Variants in FRY observed in about 807,000 individuals in gnomAD.
The protein encoded by FRY is protein furry homolog.
Under a neutral mutation model 348.4 loss-of-function variants are expected in FRY, and 128 were observed. The observed-to-expected ratio is 0.37, with a 90% CI of 0.32 to 0.43. The LOEUF (loss-of-function observed/expected upper bound fraction) is 0.43. Ranked by LOEUF, FRY falls within the 20% of genes least tolerant of loss-of-function variation. The probability of loss-of-function intolerance (pLI) is 1.00; values close to 1 mark genes in which losing one functional copy is unlikely to be tolerated. For synonymous variants in FRY, 1,370 were observed against 1,374.7 expected, an observed-to-expected ratio of 1.00 and a Z score of 0.08; for missense variants, 2,736 against 3,695.2, an observed-to-expected ratio of 0.74 and a Z score of 6.73.
At chr13:32,041,627 G>A (rs1051316584) in intron 1 of FRY, among the ~76,000 whole-genome samples, 2 of 152,136 alleles carry the variant, frequency 1.3e-5, no homozygotes, top group Non-Finnish European at 2.9e-5. Flanking sequence ...CACACTGAGT[G>A]TTTTGTTTCA....
intron 30 of FRY, 134 bp from the exon 31 acceptor site, chr13:32,202,222 T>A: frequency 1.2e-6 from 1 of 834,968 alleles, no homozygotes; most frequent in Non-Finnish European, 2.0e-6. Flanking sequence ...TAAACTGATG[T>A]TTTACCTTTA....
chr13:32,200,310 A>G (rs1311319064), intron 29 of FRY, among the ~76,000 whole-genome samples: 2 of 152,252 alleles, frequency 1.3e-5, no homozygotes, highest in African/African-American at 2.4e-5. Context: ...AGAATCAAAA[A>G]AAAGATTCCC....
At chr13:32,041,134 C>CT (rs1566041212) in intron 1 of FRY, among the ~76,000 whole-genome samples, 1 of 152,122 alleles carries the variant, frequency 6.6e-6, no homozygotes, top group East Asian at 1.9e-4. Flanking sequence ...TGAAGTTTTT[C>CT]TTTTTAAAAA....
At chr13:32,076,137 T>A (rs974797114) in intron 1 of FRY, among the ~76,000 whole-genome samples, 4 of 152,208 alleles carry the variant, frequency 2.6e-5, no homozygotes, top group African/African-American at 9.6e-5. Context: ...GTAGGAGGAC[T>A]GTCAGAGGTC....
At chr13:32,117,296 G>C in intron 3 of FRY, 38 bp from the exon 4 acceptor site, 1 of 1,607,198 alleles carries the variant, frequency 6.2e-7, no homozygotes, top group Non-Finnish European at 8.5e-7. Context: ...AATTGGCAGT[G>C]CTACCAGTGT....
At chr13:32,228,319 C>T in intron 39 of FRY, 137 bp from the exon 40 acceptor site, 1 of 772,614 alleles carries the variant, frequency 1.3e-6, no homozygotes, top group East Asian at 2.4e-5. Flanking sequence ...TTAATCATAG[C>T]CACAGCCGAA....
chr13:32,087,858 CTCTAA>C (rs2138570567), intron 2 of FRY, among the ~76,000 whole-genome samples: 1 of 152,250 alleles, frequency 6.6e-6, no homozygotes, highest in East Asian at 1.9e-4. Context: ...GAATGACTAC[CTCTAA>C]TTAAGTTTGG....
At chr13:32,165,376 T>C (rs1881677506) in intron 17 of FRY, among the ~76,000 whole-genome samples, 2 of 152,364 alleles carry the variant, frequency 1.3e-5, no homozygotes, top group African/African-American at 4.8e-5. Context: ...CAATTGTATA[T>C]ATTGCCTCAA....
At position 32,274,628 on chromosome 13, in the gene FRY, T is replaced by A. The variant is rs565867440; in HGVS notation, c.8137-214T>A. 1.3e-3 allele frequency among the ~76,000 whole-genome samples: 176 copies of A among 132,886 alleles called. No homozygotes were observed. In the Middle Eastern group the frequency reaches 0.02, roughly 15 times the overall value. The allele number at this position is 132,886 out of a possible 152,430, so 87.2% of individuals were successfully genotyped here. On this transcript the variant is annotated intron_variant, in intron 55 of 60. Transcript: ENST00000542859. ...CTGAGGCAGGAGAATGGCGTGAACC[T>A]GGGAGGGGGAGCTTGCAGTGAGCCG...
In FRY at chr13:32,267,315, T is replaced by A. The variant is rs995342619; in HGVS notation, c.8092T>A (p.Ser2698Thr). ...INQLMCDSDG[S>T]CAVYTFHVFS... ...CCAGCTTATGTGTGACTCAGATGGC[T>A]CCTGTGCTGTGTATACATTTCATGT... Residue 2698 changes from serine to threonine, a missense_variant, in exon 55 of 61, where the codon TCC becomes ACC. Ser to Thr is a moderately conservative substitution (Grantham distance 58). Coordinates refer to ENST00000542859, the MANE Select transcript of FRY (RefSeq NM_023037.3). 3.1e-6 allele frequency: 5 copies of A among 1,614,044 alleles called. No homozygotes were observed. In the African/African-American group the frequency reaches 6.7e-5, roughly 22 times the overall value.
At chr13:32,281,487 C>T (rs1218814947) in intron 58 of FRY, among the ~76,000 whole-genome samples, 1 of 152,132 alleles carries the variant, frequency 6.6e-6, no homozygotes, top group Non-Finnish European at 1.5e-5. Flanking sequence ...ATAAAACACC[C>T]AAGAGGGATG....
chr13:32,067,523 A>G (rs538513199), intron 1 of FRY, among the ~76,000 whole-genome samples: 21 of 152,346 alleles, frequency 1.4e-4, no homozygotes, highest in East Asian at 1.2e-3. Context: ...TTTACTCTGT[A>G]GAGAGGATAG....
At chr13:32,203,263 G>A (rs1884149494) in intron 31 of FRY, among the ~76,000 whole-genome samples, 2 of 152,124 alleles carry the variant, frequency 1.3e-5, no homozygotes, top group Admixed American at 1.3e-4. Flanking sequence ...TGATAGTGGT[G>A]GTGTTTTGTA....
intron 4 of FRY, among the ~76,000 whole-genome samples, chr13:32,121,376 A>T (rs189571957): frequency 6.6e-6 from 1 of 152,084 alleles, no homozygotes; most frequent in Non-Finnish European, 1.5e-5. Context: ...ATACTAGTTT[A>T]TATTCCCACC....
chr13:32,100,584 A>G (rs1421906259), intron 2 of FRY, among the ~76,000 whole-genome samples: 1 of 152,200 alleles, frequency 6.6e-6, no homozygotes, highest in Non-Finnish European at 1.5e-5. Context: ...GCTAATTAAC[A>G]TTTCTATCAC....
chr13:32,149,405 G>T (rs1238919779), intron 13 of FRY, among the ~76,000 whole-genome samples: 1 of 152,090 alleles, frequency 6.6e-6, no homozygotes, highest in East Asian at 1.9e-4. Flanking sequence ...TACAGTACAA[G>T]TAGGAAGAGT....
intron 31 of FRY, among the ~76,000 whole-genome samples, chr13:32,205,190 G>A (rs964070208): frequency 6.6e-4 from 83 of 125,410 alleles, no homozygotes; most frequent in African/African-American, 1.1e-3. Context: ...GCGACAGAGC[G>A]AGACTCTGTC....
intron 36 of FRY, among the ~76,000 whole-genome samples, chr13:32,223,827 C>T (rs1368927599): frequency 6.6e-6 from 1 of 152,180 alleles, no homozygotes; most frequent in Admixed American, 6.5e-5. Context: ...CTCCCAGATT[C>T]AAGCGATTCT....
chr13:32,155,205 G>C (rs1047137171), intron 14 of FRY, among the ~76,000 whole-genome samples: 2 of 152,078 alleles, frequency 1.3e-5, no homozygotes, highest in African/African-American at 4.8e-5. Flanking sequence ...ATATCTTTTA[G>C]AGATACACTC....
Sources: gnomAD v4.1 joint callset for allele counts (sites outside exome capture counted in the v4.1 genomes callset) on GRCh38, gnomAD v4.1.1 for gene constraint, MANE v1.5 for transcripts, NCBI Gene and HGNC (gene_info 2026-07-23, HGNC 2026-07-21) for gene names.